FAM13B: variants seen among roughly 807,000 people sequenced by gnomAD.
FAM13B encodes the protein protein FAM13B.
Under a neutral mutation model 117.3 loss-of-function variants are expected in FAM13B, and 60 were observed. The observed-to-expected ratio is 0.51, with a 90% CI of 0.42 to 0.63. The LOEUF (loss-of-function observed/expected upper bound fraction) is 0.63. FAM13B is among the 30% of genes least tolerant of loss of function. The pLI is 0.00. For missense variants in FAM13B, 972 were observed against 1,091.9 expected (o/e 0.89, Z 1.55); for synonymous variants, 332 against 356.1 (o/e 0.93, Z 0.76).
chr5:137,993,120 C>A (rs1204791995), intron 7 of FAM13B, among the ~76,000 whole-genome samples: 2 of 152,146 alleles, frequency 1.3e-5, no homozygotes, highest in Non-Finnish European at 2.9e-5. Context: ...AAGCTGATTT[C>A]ATTTTCATAA....
At chr5:138,007,499 C>A (rs538690542) in intron 6 of FAM13B, among the ~76,000 whole-genome samples, 4 of 152,252 alleles carry the variant, frequency 2.6e-5, no homozygotes, top group Admixed American at 2.6e-4. Flanking sequence ...ACACTTACAA[C>A]AGACTTTTAA....
At chr5:137,993,278 A>G (rs183872365) in intron 7 of FAM13B, among the ~76,000 whole-genome samples, 1 of 152,258 alleles carries the variant, frequency 6.6e-6, no homozygotes, top group East Asian at 1.9e-4. Context: ...TTTGCTTCTA[A>G]CTTGTTTTGC....
At chr5:137,999,104 C>CTT (rs397962950) in intron 7 of FAM13B, among the ~76,000 whole-genome samples, 59 of 139,746 alleles carry the variant, frequency 4.2e-4, no homozygotes, top group South Asian at 1.3e-3. Flanking sequence ...CCTTCAGGGT[C>CTT]TTTTTTTTTT....
At chr5:138,050,053 G>A (rs896536116) in intron 1 of FAM13B, among the ~76,000 whole-genome samples, 36 of 152,002 alleles carry the variant, frequency 2.4e-4, no homozygotes, top group African/African-American at 8.0e-4. Context: ...TGAGGGGATC[G>A]CTTGAGTCCA....
rs1415028705 is a variant in FAM13B at position 138,017,808 on chromosome 5, T to C, written c.370+494A>G. 3.9e-5 allele frequency among the ~76,000 whole-genome samples: 6 copies of C among 152,344 alleles called. No homozygotes were observed. The East Asian group carries it at 1.2e-3, about 29-fold the overall frequency. On this transcript the variant is annotated intron_variant, in intron 4 of 23. Coordinates refer to ENST00000689681, the MANE Select transcript of FAM13B (RefSeq NM_001385994.1). ...TTAGAGTCTAATGTTCAATTTGATA[T>C]TCATTTCCTTTAGCTAAGTGTTCAA...
At chr5:138,026,534 G>A (rs1581292091) in intron 1 of FAM13B, among the ~76,000 whole-genome samples, 1 of 148,694 alleles carries the variant, frequency 6.7e-6, no homozygotes, top group Non-Finnish European at 1.5e-5. Flanking sequence ...GGCTGAGGTG[G>A]AAGGATCACT....
At chr5:137,984,776 T>C (rs1207762979) in intron 10 of FAM13B, among the ~76,000 whole-genome samples, 1 of 152,006 alleles carries the variant, frequency 6.6e-6, no homozygotes. Context: ...GTTTTTTTTT[T>C]TCTTTTTTTT....
At chr5:137,941,827 T>G in intron 23 of FAM13B, 117 bp downstream of exon 23, 1 of 808,790 alleles carries the variant, frequency 1.2e-6, no homozygotes, top group Non-Finnish European at 2.0e-6. Context: ...TTAAAATTTT[T>G]CAGTGCTAGC....
intron 1 of FAM13B, among the ~76,000 whole-genome samples, chr5:138,044,552 G>GAAAAAAAAAAAAAAAACAAAAAAAAA: frequency 9.3e-6 from 1 of 108,096 alleles, no homozygotes. Context: ...ACTCCATCTC[G>GAAAAAAAAAAAAAAAACAAAAAAAAA]AAAAAAAAAA....
At position 137,939,859 on chromosome 5, in the gene FAM13B, G is replaced by A. The variant is rs1761126099; in HGVS notation, c.*366C>T. The A allele has an allele frequency of 7.6e-7, 1 of 1,318,006 alleles. No individual in the cohort carries two copies. Among genetic ancestry groups the A allele is most frequent in the Non-Finnish European group, 9.6e-7 (1 of 1,036,874 alleles). The allele number at this position is 1,318,006 out of a possible 1,614,324, so 81.6% of individuals were successfully genotyped here. ...GAAGATTTTCCTCCAATTTTCTTCA[G>A]TAATGAGAAACAAAAAGTTGGTAAT... On this transcript the variant is annotated 3_prime_UTR_variant, in exon 24 of 24. Coordinates refer to ENST00000689681, the MANE Select transcript of FAM13B (RefSeq NM_001385994.1).
intron 8 of FAM13B, 132 bp downstream of exon 8, chr5:137,988,142 A>G: frequency 1.9e-6 from 1 of 537,212 alleles, no homozygotes; most frequent in Non-Finnish European, 3.2e-6. Flanking sequence ...CTATCACAGT[A>G]CATAAAAAAC....
At chr5:138,016,442 T>C (rs1030034570) in intron 4 of FAM13B, among the ~76,000 whole-genome samples, 2 of 152,058 alleles carry the variant, frequency 1.3e-5, no homozygotes, top group African/African-American at 2.4e-5. Flanking sequence ...TTGGGCAACA[T>C]AGCAAGATCT....
intron 9 of FAM13B, among the ~76,000 whole-genome samples, chr5:137,985,658 G>A (rs115622953): frequency 0.011 from 1,737 of 152,102 alleles, 28 homozygotes; most frequent in African/African-American, 0.04. Context: ...TTTATGGGCC[G>A]AAATAATCAT....
At chr5:138,041,782 T>C (rs556199572) in intron 1 of FAM13B, among the ~76,000 whole-genome samples, 7 of 150,508 alleles carry the variant, frequency 4.7e-5, no homozygotes, top group East Asian at 3.9e-4. Flanking sequence ...AAAAAAAAAA[T>C]TGGGGGTGGG....
chr5:137,958,602 C>G (rs1561748582), intron 13 of FAM13B, among the ~76,000 whole-genome samples: 2 of 152,212 alleles, frequency 1.3e-5, no homozygotes, highest in African/African-American at 2.4e-5. Flanking sequence ...ACCCAGGGAT[C>G]TTCATCCAAG....
At chr5:138,040,425 A>T (rs1344368632) in intron 1 of FAM13B, among the ~76,000 whole-genome samples, 1 of 151,566 alleles carries the variant, frequency 6.6e-6, no homozygotes, top group Non-Finnish European at 1.5e-5. Context: ...AAAAAAAATT[A>T]GCTCGGCATG....
intron 1 of FAM13B, among the ~76,000 whole-genome samples, chr5:138,023,765 G>A (rs551571172): frequency 6.6e-6 from 1 of 152,244 alleles, no homozygotes; most frequent in East Asian, 1.9e-4. Flanking sequence ...TCACCACATT[G>A]CCCAGGCTGG....
intron 7 of FAM13B, among the ~76,000 whole-genome samples, chr5:138,000,393 T>C (rs1780922960): frequency 6.6e-6 from 1 of 152,040 alleles, no homozygotes; most frequent in African/African-American, 2.4e-5. Flanking sequence ...AGCAAGACCC[T>C]GTCTCAAAAA....
chr5:137,993,029 A>G (rs559342455), intron 7 of FAM13B, among the ~76,000 whole-genome samples: 1 of 152,362 alleles, frequency 6.6e-6, no homozygotes, highest in Admixed American at 6.5e-5. Flanking sequence ...AGTGACATGC[A>G]GCAGCATGGA....
Sources: gnomAD v4.1 joint callset for allele counts (sites outside exome capture counted in the v4.1 genomes callset) on GRCh38, gnomAD v4.1.1 for gene constraint, MANE v1.5 for transcripts, NCBI Gene and HGNC (gene_info 2026-07-23, HGNC 2026-07-21) for gene names.